The following PARPBP variants were observed in gnomAD, a reference collection of about 807,000 sequenced individuals.
PARPBP encodes the protein PARP1 binding protein.
Under a neutral mutation model 50.0 loss-of-function variants are expected in PARPBP, and 52 were observed. The ratio of observed to expected loss-of-function variants is 1.04; its 90% CI spans 0.83 to 1.31. PARPBP has a LOEUF of 1.31. Ranked by LOEUF, PARPBP falls within the 50% of genes most tolerant of loss-of-function variation. The pLI is 0.00. For missense variants in PARPBP, 697 were observed against 672.0 expected, an observed-to-expected ratio of 1.04 and a Z score of -0.41; for synonymous variants, 244 against 232.1, an observed-to-expected ratio of 1.05 and a Z score of -0.47.
intron 4 of PARPBP, among the ~76,000 whole-genome samples, chr12:102,157,451 C>CTT (rs200216801): frequency 2.1e-5 from 3 of 145,272 alleles, no homozygotes; most frequent in African/African-American, 7.6e-5. Context: ...TTCCCCTAAT[C>CTT]TTTTTTTTTT....
At chr12:102,170,806 TGTA>T (rs1021723548) in intron 6 of PARPBP, among the ~76,000 whole-genome samples, 4 of 152,286 alleles carry the variant, frequency 2.6e-5, no homozygotes, top group African/African-American at 9.6e-5. Flanking sequence ...TTTTGAGTCT[TGTA>T]GTAACACTTA....
In PARPBP at chr12:102,148,312, T is replaced by A. The variant is rs1885699562; in HGVS notation, c.236T>A (p.Val79Asp). Residue 79 changes from valine to aspartate, a missense_variant, in exon 3 of 11, where the codon GTT becomes GAT. Val to Asp is a radical substitution (Grantham distance 152). Transcript: ENST00000327680. ...CTCCATGAGAAATTGAACTTACCAG[T>A]TGAAAACATGGACGTGACTGACCAT... Reference protein sequence around the residue: ...YLLHEKLNLPVENMDVTDHYE... With the variant: ...YLLHEKLNLPDENMDVTDHYE... 1 of 1,606,870 alleles carries A rather than the reference T, an allele frequency of 6.2e-7. No homozygotes were observed. The highest frequency in any genetic ancestry group is 8.5e-7 in the Non-Finnish European group (1 of 1,174,058).
intron 2 of PARPBP, among the ~76,000 whole-genome samples, chr12:102,127,564 C>A (rs547239544): frequency 6.6e-6 from 1 of 151,876 alleles, no homozygotes; most frequent in Non-Finnish European, 1.5e-5. Context: ...TGTTTAAATG[C>A]TTATTTGATC....
At chr12:102,125,752 A>T (rs1881896534) in intron 2 of PARPBP, among the ~76,000 whole-genome samples, 1 of 152,236 alleles carries the variant, frequency 6.6e-6, no homozygotes, top group Admixed American at 6.5e-5. Flanking sequence ...TACCTAGTAG[A>T]TAAGGCAGAC....
At chr12:102,145,996 C>A (rs919724603) in intron 2 of PARPBP, among the ~76,000 whole-genome samples, 1 of 151,912 alleles carries the variant, frequency 6.6e-6, no homozygotes, top group Non-Finnish European at 1.5e-5. Context: ...TACCTAGGAA[C>A]CCAACTTACA....
chr12:102,126,987 A>C (rs569572335), intron 2 of PARPBP, among the ~76,000 whole-genome samples: 1 of 152,172 alleles, frequency 6.6e-6, no homozygotes, highest in African/African-American at 2.4e-5. Context: ...CTTTTGTGTT[A>C]TGAATAGTTT....
At chr12:102,139,889 A>G (rs1369313365) in intron 2 of PARPBP, among the ~76,000 whole-genome samples, 1 of 152,150 alleles carries the variant, frequency 6.6e-6, no homozygotes, top group African/African-American at 2.4e-5. Context: ...GTTTGCCAGT[A>G]TTTTATTGAG....
intron 6 of PARPBP, among the ~76,000 whole-genome samples, chr12:102,167,454 A>T (rs1328337858): frequency 6.6e-6 from 1 of 151,910 alleles, no homozygotes; most frequent in African/African-American, 2.4e-5. Context: ...GTGTTCCCAC[A>T]ATGTGTGGTG....
intron 2 of PARPBP, among the ~76,000 whole-genome samples, chr12:102,141,231 T>C (rs1352240302): frequency 1.3e-5 from 2 of 152,212 alleles, no homozygotes; most frequent in Non-Finnish European, 2.9e-5. Context: ...CCTTTACCAT[T>C]ATGCAATGGC....
Position 102,196,683 on chromosome 12 carries a change from C to T in PARPBP, c.*392C>T. ...TTGCCAACAAGGTCGGTAGACTCTT[C>T]CCAGCATACATCTGAGCACTGAAGG... On this transcript the variant is annotated 3_prime_UTR_variant, in exon 11 of 11. Coordinates refer to ENST00000327680, the MANE Select transcript of PARPBP (RefSeq NM_017915.5). 1 of 1,609,250 alleles carries T rather than the reference C, an allele frequency of 6.2e-7. No homozygotes were observed. Among genetic ancestry groups the T allele is most frequent in the South Asian group, 1.1e-5 (1 of 90,948 alleles).
At position 102,165,710 on chromosome 12, in the gene PARPBP, CGTTT is replaced by C. The variant is rs776443258; in HGVS notation, c.667-14_667-11del. The C allele has an allele frequency of 6.3e-7, 1 of 1,577,654 alleles. No individual in the cohort carries two copies. The highest frequency in any genetic ancestry group is 2.2e-5 in the East Asian group (1 of 44,536). ...AATAAATCACTGGACATAACTTATC[CGTTT>C]GTTTTAATTCATAGGTGGCCACGTC... On this transcript the variant is annotated splice_polypyrimidine_tract_variant and intron_variant, in intron 5 of 10. Coordinates refer to ENST00000327680, the MANE Select transcript of PARPBP (RefSeq NM_017915.5).
At chr12:102,137,881 T>C (rs376110545) in intron 2 of PARPBP, among the ~76,000 whole-genome samples, 5 of 152,182 alleles carry the variant, frequency 3.3e-5, no homozygotes, top group East Asian at 1.9e-4. Flanking sequence ...ATATGTGCCA[T>C]ATTTTCTTAA....
chr12:102,150,144 A>G (rs950290412), intron 3 of PARPBP: 3 of 429,186 alleles, frequency 7.0e-6, no homozygotes, highest in Admixed American at 2.6e-5. Context: ...TCCAAATGTC[A>G]TCGTGTCATC....
At position 102,196,929 on chromosome 12, in the gene PARPBP, A is replaced by G. The variant is rs1300121283; in HGVS notation, c.*638A>G. 3 of 1,477,384 alleles carry G rather than the reference A, an allele frequency of 2.0e-6. No individual in the cohort carries two copies. The highest frequency in any genetic ancestry group is 2.3e-5 in the South Asian group (2 of 87,114). 91.5% of individuals were successfully genotyped at this position (1,477,384 alleles called of 1,614,324 possible). ...TCACTTTAACTCAGAGTTCTGTTTAATGGTGGTAGGATGTAAGAATTGAAT... is the reference window on the plus strand; with the variant it reads ...TCACTTTAACTCAGAGTTCTGTTTAGTGGTGGTAGGATGTAAGAATTGAAT... On this transcript the variant is annotated 3_prime_UTR_variant, in exon 11 of 11. Transcript: ENST00000327680.
chr12:102,155,131 T>C (rs1356088363), intron 4 of PARPBP: 2 of 196,300 alleles, frequency 1.0e-5, no homozygotes, highest in Non-Finnish European at 2.1e-5. Flanking sequence ...CATGTACTGA[T>C]TGATGTCTTA....
intron 1 of PARPBP, among the ~76,000 whole-genome samples, chr12:102,121,234 T>A (rs1881018115): frequency 6.6e-6 from 1 of 152,198 alleles, no homozygotes; most frequent in Non-Finnish European, 1.5e-5. Flanking sequence ...GTGCTGCCTG[T>A]TTTTGTGCAG....
intron 4 of PARPBP, chr12:102,154,713 AC>A (rs1886644999): frequency 2.6e-6 from 1 of 377,886 alleles, no homozygotes; most frequent in Non-Finnish European, 5.1e-6. Context: ...AAAATATTTT[AC>A]CCCAAAATAT....
chr12:102,148,225 T>C lies in PARPBP; in HGVS notation c.154-5T>C, dbSNP rs780349930. On this transcript the variant is annotated splice_region_variant and splice_polypyrimidine_tract_variant and intron_variant, in intron 2 of 10. Coordinates refer to ENST00000327680, the MANE Select transcript of PARPBP (RefSeq NM_017915.5). Reference sequence around the variant, plus strand: ...TTTTTTTTTTTTTGGCATTATCTTTTTCAGCACAGTGGAGAATTTACAGTC... The same window carrying C: ...TTTTTTTTTTTTTGGCATTATCTTTCTCAGCACAGTGGAGAATTTACAGTC... 2.2e-6 allele frequency: 3 copies of C among 1,362,216 alleles called. No homozygotes were observed. Among genetic ancestry groups the C allele is most frequent in the African/African-American group, 1.5e-5 (1 of 68,652 alleles). The allele number at this position is 1,362,216 out of a possible 1,614,324, so 84.4% of individuals were successfully genotyped here.
intron 3 of PARPBP, chr12:102,151,613 T>C (rs1886216853): frequency 2.0e-6 from 3 of 1,535,566 alleles, no homozygotes; most frequent in Middle Eastern, 1.7e-4. Context: ...AGCTTGCTGC[T>C]GTCTAGGCCA....
Sources: allele counts gnomAD v4.1 joint callset (sites outside exome capture counted in the v4.1 genomes callset), GRCh38; gene constraint gnomAD v4.1.1; transcripts MANE v1.5; gene names NCBI Gene and HGNC (gene_info 2026-07-23, HGNC 2026-07-21).